STARD8: variants seen among roughly 807,000 people sequenced by gnomAD.
STARD8 encodes StAR related lipid transfer domain containing 8.
Under a neutral mutation model 69.4 loss-of-function variants are expected in STARD8, and 25 were observed. That is an observed-to-expected ratio of 0.36 (90% confidence interval 0.26 to 0.50). The LOEUF (loss-of-function observed/expected upper bound fraction) is 0.50, where lower values mean the gene tolerates loss of function less well. STARD8 is among the 20% of genes least tolerant of loss of function. The probability of loss-of-function intolerance (pLI) is 0.96; values close to 1 mark genes in which losing one functional copy is unlikely to be tolerated. For missense variants in STARD8, 921 were observed against 932.5 expected, an observed-to-expected ratio of 0.99 and a Z score of 0.16; for synonymous variants, 389 against 374.6, an observed-to-expected ratio of 1.04 and a Z score of -0.45.
At chrX:68,715,443 C>T (rs2080084761) in intron 4 of STARD8, 68 bp downstream of exon 4, 15 of 960,016 alleles carry the variant, frequency 1.6e-5, no homozygotes, top group Non-Finnish European at 2.1e-5. Flanking sequence ...TGGAAAAAAA[C>T]ATCCCTTGTA....
chrX:68,653,881 A>G (rs1251954046), intron 1 of STARD8, among the ~76,000 whole-genome samples: 1 of 111,979 alleles, frequency 8.9e-6, no homozygotes, highest in Non-Finnish European at 1.9e-5. Flanking sequence ...GGTGTTATGC[A>G]CATAAGGGGT....
At chrX:68,711,790 G>A (rs2080052909) in intron 2 of STARD8, among the ~76,000 whole-genome samples, 1 of 112,367 alleles carries the variant, frequency 8.9e-6, no homozygotes, top group African/African-American at 3.2e-5. Context: ...AGAGTCCTCT[G>A]GTCAGGGGGG....
chrX:68,688,024 AAC>A (rs1267111854), intron 2 of STARD8, among the ~76,000 whole-genome samples: 1 of 112,845 alleles, frequency 8.9e-6, no homozygotes, highest in African/African-American at 3.2e-5. Context: ...AGGTCTGGGT[AAC>A]CATGTTATGG....
intron 2 of STARD8, among the ~76,000 whole-genome samples, chrX:68,674,057 G>A (rs2079747318): frequency 1.8e-5 from 2 of 111,376 alleles, no homozygotes; most frequent in African/African-American, 3.3e-5. Context: ...ACTTTGGGAG[G>A]CCAAGGCGGG....
At chrX:68,685,721 A>G (rs2079827521) in intron 2 of STARD8, among the ~76,000 whole-genome samples, 1 of 112,789 alleles carries the variant, frequency 8.9e-6, no homozygotes, top group Non-Finnish European at 1.9e-5. Flanking sequence ...CTTGGGCCTC[A>G]GTTTTCCATC....
chrX:68,717,925 C>T lies in STARD8; in HGVS notation c.1011C>T (p.Gly337=). ...LADWQPGRRW[G]CEGRRGSCGS... ...ACTGGCAGCCAGGTAGGCGGTGGGG[C>T]TGTGAGGGGCGCCGGGGCTCCTGTG... The change falls in exon 6 of 15, where the codon GGC becomes GGT. Residue 337 remains glycine, a synonymous_variant. Transcript: ENST00000374599. The T allele has an allele frequency of 8.3e-7, 1 of 1,208,350 alleles. No individual in the cohort carries two copies. The highest frequency in any genetic ancestry group is 1.8e-5 in the South Asian group (1 of 56,372).
intron 2 of STARD8, among the ~76,000 whole-genome samples, chrX:68,668,770 A>G (rs965805838): frequency 2.7e-5 from 3 of 111,853 alleles, no homozygotes; most frequent in Non-Finnish European, 5.6e-5. Flanking sequence ...TTGTGAACCA[A>G]CTTCAGAATT....
At chrX:68,692,619 A>G (rs919386023) in intron 2 of STARD8, among the ~76,000 whole-genome samples, 1 of 112,620 alleles carries the variant, frequency 8.9e-6, no homozygotes, top group Non-Finnish European at 1.9e-5. Flanking sequence ...TGACCCTGCC[A>G]TGGATTTGCT....
intron 4 of STARD8, among the ~76,000 whole-genome samples, chrX:68,715,941 C>T (rs972705816): frequency 8.9e-6 from 1 of 112,615 alleles, no homozygotes; most frequent in Non-Finnish European, 1.9e-5. Flanking sequence ...CCCCATTGGT[C>T]TCATGCCCAC....
At chrX:68,668,073 C>CTTTCTTTCTT (rs2079696655) in intron 2 of STARD8, among the ~76,000 whole-genome samples, 1 of 87,566 alleles carries the variant, frequency 1.1e-5, no homozygotes, top group Admixed American at 1.3e-4. Context: ...TTCTTTCTTT[C>CTTTCTTTCTT]TTTCTTTCTT....
At chrX:68,665,372 T>A (rs1373636758) in intron 1 of STARD8, 127 bp from the exon 2 acceptor site, 1 of 773,071 alleles carries the variant, frequency 1.3e-6, no homozygotes, top group East Asian at 3.5e-5. Context: ...TTCCTTTTCT[T>A]TGGACCTCCA....
chrX:68,668,115 GTCTT>G (rs1259688569), intron 2 of STARD8, among the ~76,000 whole-genome samples: 195 of 24,236 alleles, frequency 8.0e-3, no homozygotes, highest in African/African-American at 0.023. Context: ...CTTTCTTTCT[GTCTT>G]TCTTTCTTTC....
At chrX:68,672,355 T>C in intron 2 of STARD8, among the ~76,000 whole-genome samples, 1 of 111,838 alleles carries the variant, frequency 8.9e-6, no homozygotes, top group Non-Finnish European at 1.9e-5. Flanking sequence ...AGAAACTAAG[T>C]GATCTGCACA....
intron 1 of STARD8, among the ~76,000 whole-genome samples, chrX:68,653,513 CCA>C (rs2079589213): frequency 1.2e-5 from 1 of 80,821 alleles, no homozygotes; most frequent in African/African-American, 4.8e-5. Flanking sequence ...ACCATACACA[CCA>C]CACACACCAC....
chrX:68,686,623 C>T (rs1366079015), intron 2 of STARD8, among the ~76,000 whole-genome samples: 1 of 113,144 alleles, frequency 8.8e-6, no homozygotes, highest in Non-Finnish European at 1.9e-5. Flanking sequence ...GCTTCCCGCA[C>T]CGGCTCTTCG....
chrX:68,724,130 C>T lies in STARD8; in HGVS notation c.3194+9C>T. 8.3e-7 allele frequency: 1 copy of T among 1,204,297 alleles called. No homozygotes were observed. Among genetic ancestry groups the T allele is most frequent in the East Asian group, 3.0e-5 (1 of 33,675 alleles). On this transcript the variant is annotated intron_variant, in intron 14 of 14. Coordinates refer to ENST00000374599, the MANE Select transcript of STARD8 (RefSeq NM_001142503.3). ...TGCCGGGCTGACCTCAGGTATCAGG[C>T]CTGGGACAGCCTGCTCGACCCCCTT...
At chrX:68,668,339 T>TTC (rs2079706636) in intron 2 of STARD8, among the ~76,000 whole-genome samples, 2 of 102,862 alleles carry the variant, frequency 1.9e-5, no homozygotes, top group African/African-American at 7.2e-5. Context: ...TTCCTTTTTT[T>TTC]TTCTATGAGA....
intron 2 of STARD8, among the ~76,000 whole-genome samples, chrX:68,685,198 G>T (rs1417229318): frequency 1.8e-5 from 2 of 111,843 alleles, no homozygotes; most frequent in Non-Finnish European, 3.8e-5. Flanking sequence ...CCCCTTTATC[G>T]TTCACAAAGC....
chrX:68,668,019 C>G (rs190580860), intron 2 of STARD8, among the ~76,000 whole-genome samples: 43 of 110,813 alleles, frequency 3.9e-4, no homozygotes, highest in African/African-American at 1.2e-3. Flanking sequence ...TCTGGGCTGA[C>G]AGTTGTATAT....
Sources: allele counts gnomAD v4.1 joint callset (sites outside exome capture counted in the v4.1 genomes callset), GRCh38; gene constraint gnomAD v4.1.1; transcripts MANE v1.5; gene names NCBI Gene and HGNC (gene_info 2026-07-23, HGNC 2026-07-21).